The following CCNH variants were observed in gnomAD, a reference collection of about 807,000 sequenced individuals.
CCNH encodes the protein cyclin H.
Under a neutral mutation model 41.9 loss-of-function variants are expected in CCNH, and 31 were observed. The observed-to-expected ratio is 0.74, with a 90% CI of 0.56 to 1.00. The LOEUF is 1.00. Ranked by LOEUF, CCNH falls within the 50% of genes least tolerant of loss-of-function variation. The pLI is 0.00. For missense variants in CCNH, 362 were observed against 388.4 expected, an observed-to-expected ratio of 0.93 and a Z score of 0.57; for synonymous variants, 138 against 136.1, an observed-to-expected ratio of 1.01 and a Z score of -0.10.
rs1458656923 is a variant in CCNH, at chr5:87,338,527, A to T, written c.*91-19630T>A. On this transcript the variant is annotated intron_variant and NMD_transcript_variant, in intron 9 of 9. Transcript: ENST00000645953. The stretch of plus-strand genomic sequence containing the variant: ...TATATATATATATATATATATATAT[A>T]TATATAAAATTTTTTTTTTTTTTAA... Among the ~76,000 whole-genome samples, 168 of 95,418 alleles carry T rather than the reference A, an allele frequency of 1.8e-3. 6 individuals carry two copies. The highest frequency in any genetic ancestry group is 9.3e-3 in the East Asian group (28 of 3,026). 62.6% of individuals were successfully genotyped at this position (95,418 alleles called of 152,430 possible).
chr5:87,329,423 C>T (rs911177551), intron 9 of CCNH, among the ~76,000 whole-genome samples: 10 of 152,066 alleles, frequency 6.6e-5, no homozygotes, highest in African/African-American at 2.4e-4. Flanking sequence ...GCCTGGGCGA[C>T]AGAGTGAGAC....
intron 9 of CCNH, among the ~76,000 whole-genome samples, chr5:87,340,125 A>C (rs10942502): frequency 0.37 from 56,033 of 151,906 alleles, 10,761 homozygotes; most frequent in East Asian, 0.51. Context: ...TGAGTAAATG[A>C]ATGTTTCTAT....
chr5:87,378,482 C>A, upstream of CCNH: 1 of 1,612,386 alleles, frequency 6.2e-7, no homozygotes, highest in South Asian at 1.1e-5. Flanking sequence ...ACAGTTTGTT[C>A]ATCATGCTTT....
intron 3 of CCNH, among the ~76,000 whole-genome samples, chr5:87,408,603 G>A (rs1275595442): frequency 1.3e-5 from 2 of 151,690 alleles, no homozygotes; most frequent in African/African-American, 4.9e-5. Flanking sequence ...GAACATTGTG[G>A]AAGGCCATCG....
intron 9 of CCNH, among the ~76,000 whole-genome samples, chr5:87,386,258 A>G (rs938378016): frequency 6.6e-6 from 1 of 151,998 alleles, no homozygotes; most frequent in Admixed American, 6.6e-5. Context: ...AGAGTGTGTT[A>G]ATCTTAACAT....
At chr5:87,411,005 A>AT (rs1016839695) in intron 2 of CCNH, among the ~76,000 whole-genome samples, 3 of 152,136 alleles carry the variant, frequency 2.0e-5, no homozygotes, top group African/African-American at 7.2e-5. Flanking sequence ...CTGACCTCAA[A>AT]TTTTTTTCTG....
chr5:87,328,419 G>A (rs531049187), intron 9 of CCNH, among the ~76,000 whole-genome samples: 2 of 152,134 alleles, frequency 1.3e-5, no homozygotes, highest in East Asian at 3.9e-4. Flanking sequence ...GTAATAGTGG[G>A]GTTGATTAAA....
chr5:87,382,221 G>T (rs759858726), intron 9 of CCNH, among the ~76,000 whole-genome samples: 3 of 152,128 alleles, frequency 2.0e-5, no homozygotes, highest in Non-Finnish European at 4.4e-5. Context: ...CAAAGTGTTG[G>T]ATTACAGGCA....
intron 9 of CCNH, among the ~76,000 whole-genome samples, chr5:87,386,251 G>A (rs1762054556): frequency 6.6e-6 from 1 of 151,980 alleles, no homozygotes; most frequent in African/African-American, 2.4e-5. Flanking sequence ...TTTTAAAAGA[G>A]TGTGTTAATC....
At chr5:87,317,147 T>C (rs1261760572), downstream of CCNH, among the ~76,000 whole-genome samples, 1 of 152,172 alleles carries the variant, frequency 6.6e-6, no homozygotes. Context: ...CCTCCCAAAG[T>C]GCTGGGATTA....
chr5:87,378,404 A>G, upstream of CCNH: 1 of 1,613,086 alleles, frequency 6.2e-7, no homozygotes, highest in Non-Finnish European at 8.5e-7. Flanking sequence ...AGATGAAGCC[A>G]CTACCCTATT....
At chr5:87,399,994 CT>C (rs1763275611) in intron 6 of CCNH, among the ~76,000 whole-genome samples, 1 of 151,294 alleles carries the variant, frequency 6.6e-6, no homozygotes, top group South Asian at 2.1e-4. Flanking sequence ...TAATCCTTTG[CT>C]TTAACAAAAC....
At chr5:87,333,980 T>A (rs61066535) in intron 9 of CCNH, among the ~76,000 whole-genome samples, 3,792 of 152,278 alleles carry the variant, frequency 0.025, 111 homozygotes, top group African/African-American at 0.058. Context: ...TAGGTAATTT[T>A]AAAAAATTTT....
At chr5:87,376,200 C>T (rs1761314849), downstream of CCNH, 2 of 651,640 alleles carry the variant, frequency 3.1e-6, no homozygotes, top group Admixed American at 2.6e-5. Flanking sequence ...GTACTCTCTA[C>T]CTATCAGAGT....
rs1345175979 is a variant in CCNH at position 87,395,047 on chromosome 5, C to T, written c.930G>A (p.Glu310=). Residue 310 remains glutamate (E), a synonymous_variant, in exon 8 of 9, where the codon GAG becomes GAA. Coordinates refer to ENST00000256897, the MANE Select transcript of CCNH (RefSeq NM_001239.4). ...DDYVSKKSKH[E]EEEWTDDDLV... is the part of the protein sequence containing the mutation. ...TCATCTTTGGAGTAAAACATACCTC[C>T]TCATGTTTGGATTTCTTTGAGACGT... 1.2e-6 allele frequency: 2 copies of T among 1,609,058 alleles called. No individual in the cohort carries two copies. The highest frequency in any genetic ancestry group is 1.7e-5 in the Admixed American group (1 of 60,006).
intron 9 of CCNH, among the ~76,000 whole-genome samples, chr5:87,320,250 C>T (rs1428317207): frequency 6.6e-6 from 1 of 152,220 alleles, no homozygotes; most frequent in Non-Finnish European, 1.5e-5. Flanking sequence ...CTGTCTTCTT[C>T]TGATCTCTCC....
chr5:87,319,109 G>T (rs920468096), intron 9 of CCNH, among the ~76,000 whole-genome samples: 3 of 152,222 alleles, frequency 2.0e-5, no homozygotes, highest in Non-Finnish European at 4.4e-5. Flanking sequence ...GATGCAAGGG[G>T]TGGCCTCCTA....
upstream of CCNH, among the ~76,000 whole-genome samples, chr5:87,377,411 A>AC (rs1189233192): frequency 6.6e-6 from 1 of 152,086 alleles, no homozygotes; most frequent in Admixed American, 6.6e-5. Context: ...GCTCACTGCA[A>AC]CCTCTACCTC....
upstream of CCNH, chr5:87,379,658 T>C (rs2112498485): frequency 6.4e-7 from 1 of 1,558,648 alleles, no homozygotes; most frequent in East Asian, 2.4e-5. Flanking sequence ...TCGAAAACTA[T>C]AACTACTTGT....
Sources: gnomAD v4.1 joint callset for allele counts (sites outside exome capture counted in the v4.1 genomes callset) on GRCh38, gnomAD v4.1.1 for gene constraint, MANE v1.5 for transcripts, NCBI Gene and HGNC (gene_info 2026-07-23, HGNC 2026-07-21) for gene names.